PTPRD: variants seen among roughly 807,000 people sequenced by gnomAD.
PTPRD encodes the protein protein tyrosine phosphatase receptor type D, also known as receptor-type tyrosine-protein phosphatase delta.
Under a neutral mutation model 214.5 loss-of-function variants are expected in PTPRD, and 34 were observed. That is an observed-to-expected ratio of 0.16 (90% confidence interval 0.12 to 0.21). The LOEUF (loss-of-function observed/expected upper bound fraction) is 0.21. PTPRD is among the 10% of genes least tolerant of loss of function. The pLI, the probability that PTPRD is intolerant of heterozygous loss-of-function variation, is 1.00. For synonymous variants in PTPRD, 1,128 were observed against 845.7 expected (o/e 1.33, Z -5.79); for missense variants, 2,545 against 2,398.7 (o/e 1.06, Z -1.27).
At position 9,747,533 on chromosome 9, in the gene PTPRD, TTTTTTG is replaced by T. The variant is rs1194744248; in HGVS notation, c.-325-12968_-325-12963del. On this transcript the variant is annotated intron_variant, in intron 6 of 45. Transcript: ENST00000381196. ...TCAGATTATACCTGGTGACTGAATC[TTTTTTG>T]TTTTTTTTTTTTTTTTTTCTCCCTG... is the stretch of plus-strand genomic sequence containing the variant. 8.7e-3 allele frequency among the ~76,000 whole-genome samples: 644 copies of T among 74,360 alleles called. 6 individuals are homozygous for T. The highest frequency in any genetic ancestry group is 0.058 in the Middle Eastern group (5 of 86). 48.8% of individuals were successfully genotyped at this position (74,360 alleles called of 152,430 possible).
At chr9:10,331,338 T>C (rs753861685) in intron 3 of PTPRD, among the ~76,000 whole-genome samples, 2 of 151,868 alleles carry the variant, frequency 1.3e-5, no homozygotes, top group East Asian at 2.0e-4. Flanking sequence ...AGACTATTAA[T>C]AGAAGCTTGT....
intron 11 of PTPRD, among the ~76,000 whole-genome samples, chr9:8,810,620 C>A (rs769570469): frequency 1.3e-5 from 2 of 152,082 alleles, no homozygotes; most frequent in Admixed American, 6.5e-5. Context: ...ACAGTCATCA[C>A]GTCTTTAGTG....
intron 11 of PTPRD, among the ~76,000 whole-genome samples, chr9:8,869,694 A>G (rs2098260873): frequency 6.6e-6 from 1 of 151,648 alleles, no homozygotes; most frequent in Non-Finnish European, 1.5e-5. Context: ...GCCTTTTTCC[A>G]GGATTTGCCT....
At chr9:9,053,384 AATGATGATGATG>A (rs147341142) in intron 10 of PTPRD, among the ~76,000 whole-genome samples, 2 of 151,362 alleles carry the variant, frequency 1.3e-5, no homozygotes, top group African/African-American at 4.9e-5. Context: ...TATGATGGCC[AATGATGATGATG>A]ATGATGATGA....
intron 14 of PTPRD, among the ~76,000 whole-genome samples, chr9:8,628,364 C>T (rs2096122011): frequency 6.6e-6 from 1 of 151,728 alleles, no homozygotes; most frequent in African/African-American, 2.4e-5. Flanking sequence ...GCCATAATGG[C>T]TTACATTTTT....
intron 7 of PTPRD, among the ~76,000 whole-genome samples, chr9:9,582,191 A>G (rs1197249331): frequency 6.6e-6 from 1 of 152,146 alleles, no homozygotes; most frequent in Non-Finnish European, 1.5e-5. Context: ...ACCACTTGGA[A>G]TAAGACAACC....
At chr9:8,711,218 G>C (rs1332188304) in intron 12 of PTPRD, among the ~76,000 whole-genome samples, 1 of 151,640 alleles carries the variant, frequency 6.6e-6, no homozygotes, top group Non-Finnish European at 1.5e-5. Context: ...TAATTGTCTT[G>C]GTAATTAAGG....
chr9:9,306,747 ACT>A (rs1957280122), intron 9 of PTPRD, among the ~76,000 whole-genome samples: 1 of 151,886 alleles, frequency 6.6e-6, no homozygotes, highest in African/African-American at 2.4e-5. Context: ...AAATAGAAAC[ACT>A]CTCATTTTTG....
intron 10 of PTPRD, among the ~76,000 whole-genome samples, chr9:9,068,387 G>C (rs962597157): frequency 6.6e-6 from 1 of 152,152 alleles, no homozygotes; most frequent in Non-Finnish European, 1.5e-5. Flanking sequence ...TGGTTGCATA[G>C]TAATTGCTTG....
At chr9:8,482,239 A>G (rs893737894) in intron 30 of PTPRD, among the ~76,000 whole-genome samples, 1 of 151,964 alleles carries the variant, frequency 6.6e-6, no homozygotes, top group African/African-American at 2.4e-5. Context: ...CAGAACTCAG[A>G]GCCATATTTT....
At chr9:8,913,800 C>T (rs1334816505) in intron 11 of PTPRD, among the ~76,000 whole-genome samples, 1 of 152,072 alleles carries the variant, frequency 6.6e-6, no homozygotes, top group Admixed American at 6.6e-5. Context: ...GAAGATGAGA[C>T]TGGAAGTCAG....
intron 8 of PTPRD, among the ~76,000 whole-genome samples, chr9:9,429,079 C>T (rs575052443): frequency 2.0e-5 from 3 of 152,158 alleles, no homozygotes; most frequent in East Asian, 1.9e-4. Flanking sequence ...GAAAAAGAGA[C>T]ACAAAAAACC....
At chr9:10,500,114 A>G (rs780007256) in intron 2 of PTPRD, among the ~76,000 whole-genome samples, 6 of 151,876 alleles carry the variant, frequency 4.0e-5, no homozygotes, top group Non-Finnish European at 8.8e-5. Context: ...TTCTCCCATA[A>G]GAAGCTATGG....
chr9:8,353,653 C>T (rs912931521), intron 39 of PTPRD, among the ~76,000 whole-genome samples: 10 of 151,584 alleles, frequency 6.6e-5, no homozygotes, highest in Non-Finnish European at 1.3e-4. Context: ...AGGCTGGTCT[C>T]GAACTCCTGA....
intron 11 of PTPRD, among the ~76,000 whole-genome samples, chr9:8,863,686 A>G (rs2098145635): frequency 2.0e-5 from 3 of 152,210 alleles, no homozygotes; most frequent in Admixed American, 1.3e-4. Flanking sequence ...TTTAAAAAAT[A>G]AAACTATTGC....
chr9:8,320,554 T>C (rs1587331494), intron 44 of PTPRD, among the ~76,000 whole-genome samples: 1 of 152,088 alleles, frequency 6.6e-6, no homozygotes, highest in East Asian at 1.9e-4. Flanking sequence ...GGTTTATGAC[T>C]ATCCTGTAAG....
intron 5 of PTPRD, among the ~76,000 whole-genome samples, chr9:9,805,323 A>G (rs1398214741): frequency 6.6e-6 from 1 of 152,142 alleles, no homozygotes; most frequent in African/African-American, 2.4e-5. Flanking sequence ...TATTAGCATC[A>G]GTCTTTATAG....
intron 9 of PTPRD, among the ~76,000 whole-genome samples, chr9:9,379,172 G>A (rs567021334): frequency 6.8e-6 from 1 of 147,164 alleles, no homozygotes; most frequent in Non-Finnish European, 1.5e-5. Flanking sequence ...AAAAATTTTT[G>A]TGAAGGGCAT....
chr9:10,601,546 TA>T (rs1161555006), intron 2 of PTPRD, among the ~76,000 whole-genome samples: 1 of 151,836 alleles, frequency 6.6e-6, no homozygotes, highest in Admixed American at 6.6e-5. Context: ...ATTTTCAAAT[TA>T]TATTGCATAT....
Sources: allele counts gnomAD v4.1 joint callset (sites outside exome capture counted in the v4.1 genomes callset), GRCh38; gene constraint gnomAD v4.1.1; transcripts MANE v1.5; gene names NCBI Gene and HGNC (gene_info 2026-07-23, HGNC 2026-07-21).